Variants in PDZRN3 observed in about 807,000 individuals in gnomAD.
The protein encoded by PDZRN3 is E3 ubiquitin-protein ligase PDZRN3.
In PDZRN3, 38 loss-of-function variants were observed where a neutral mutation model predicts 85.7. That is an observed-to-expected ratio of 0.44 (90% confidence interval 0.34 to 0.58). PDZRN3 has a LOEUF of 0.58. PDZRN3 is among the 20% of genes least tolerant of loss of function. The pLI is 0.01. For synonymous variants in PDZRN3, 759 were observed against 638.0 expected, an observed-to-expected ratio of 1.19 and a Z score of -2.86; for missense variants, 1,629 against 1,506.4, an observed-to-expected ratio of 1.08 and a Z score of -1.35.
intron 3 of PDZRN3, among the ~76,000 whole-genome samples, chr3:73,421,762 C>T (rs2106777489): frequency 6.6e-6 from 1 of 152,314 alleles, no homozygotes; most frequent in South Asian, 2.1e-4. Flanking sequence ...ATTCTCCTGC[C>T]TCAGCCTCCC....
chr3:73,556,401 C>T (rs1378271118), intron 3 of PDZRN3, among the ~76,000 whole-genome samples: 1 of 151,970 alleles, frequency 6.6e-6, no homozygotes, highest in Non-Finnish European at 1.5e-5. Flanking sequence ...ACACTGCTAT[C>T]TCACCCAAAA....
intron 2 of PDZRN3, among the ~76,000 whole-genome samples, chr3:73,605,375 A>G (rs186159424): frequency 1.5e-4 from 23 of 152,264 alleles, no homozygotes; most frequent in African/African-American, 5.5e-4. Context: ...ATGAAAGGGG[A>G]TTGTTTTCAT....
chr3:73,592,760 T>A (rs1016467748), intron 3 of PDZRN3, among the ~76,000 whole-genome samples: 6 of 151,978 alleles, frequency 3.9e-5, no homozygotes, highest in African/African-American at 7.3e-5. Flanking sequence ...GTACTCAGAG[T>A]TCCCAGTGAA....
chr3:73,470,155 TA>T (rs35962378), intron 3 of PDZRN3, among the ~76,000 whole-genome samples: 114 of 147,880 alleles, frequency 7.7e-4, no homozygotes, highest in African/African-American at 2.0e-3. Flanking sequence ...GGCTGTTGGC[TA>T]AAAAAAAAAA....
chr3:73,551,955 C>A (rs1476712523), intron 3 of PDZRN3, among the ~76,000 whole-genome samples: 1 of 152,204 alleles, frequency 6.6e-6, no homozygotes, highest in Non-Finnish European at 1.5e-5. Context: ...CAATGCCACA[C>A]TGCTAGGCAG....
intron 3 of PDZRN3, among the ~76,000 whole-genome samples, chr3:73,565,665 C>T (rs958790636): frequency 7.9e-5 from 12 of 152,094 alleles, no homozygotes; most frequent in South Asian, 2.1e-4. Flanking sequence ...GGGCCGGGCG[C>T]GGTGACTCAC....
rs753050431 is a variant in PDZRN3, at chr3:73,624,783, C to G, written c.43G>C (p.Asp15His). The G allele has an allele frequency of 7.0e-7, 1 of 1,420,060 alleles. No individual in the cohort carries two copies. Among genetic ancestry groups the G allele is most frequent in the Non-Finnish European group, 9.2e-7 (1 of 1,089,948 alleles). 88.0% of individuals were successfully genotyped at this position (1,420,060 alleles called of 1,614,324 possible). Residue 15 changes from aspartate (D) to histidine (H), a missense_variant, in exon 1 of 10, where the codon GAC becomes CAC. By Grantham distance (81) the Asp-to-His change is moderately conservative. Transcript: ENST00000263666. ...TTGTGGCACAGCGCGCACTTCAGGT[C>G]CGGGTCCACGTCGCCGTCGAAGCGG... ...LDRFDGDVDP[D>H]LKCALCHKVL...
In PDZRN3 at chr3:73,440,110, A is replaced by G. The variant is rs148953497; in HGVS notation, c.919-35715T>C. Among the ~76,000 whole-genome samples, 11 of 151,980 alleles carry G rather than the reference A, an allele frequency of 7.2e-5. No homozygotes were observed. The East Asian group carries it at 1.9e-3, about 27-fold the overall frequency. ...ATTGAGGTGCCGCTGTCTTGAGGAC[A>G]TTTTCTTTGGGCTGCAGAGATCTTG... On this transcript the variant is annotated intron_variant, in intron 3 of 9. Coordinates refer to ENST00000263666, the MANE Select transcript of PDZRN3 (RefSeq NM_015009.3).
intron 3 of PDZRN3, among the ~76,000 whole-genome samples, chr3:73,550,748 T>C (rs1311910425): frequency 3.3e-5 from 5 of 152,118 alleles, no homozygotes; most frequent in East Asian, 3.9e-4. Context: ...TATAAAGAAA[T>C]AGAAGTGCCA....
intron 3 of PDZRN3, among the ~76,000 whole-genome samples, chr3:73,453,265 G>C (rs566243738): frequency 1.3e-5 from 2 of 151,940 alleles, no homozygotes; most frequent in Non-Finnish European, 2.9e-5. Flanking sequence ...AATTAGCTGG[G>C]TGTGATGGTG....
At chr3:73,421,336 G>A (rs1002340738) in intron 3 of PDZRN3, among the ~76,000 whole-genome samples, 3 of 152,186 alleles carry the variant, frequency 2.0e-5, no homozygotes, top group Admixed American at 6.5e-5. Context: ...GTCACTCAAT[G>A]GCAGAGCCAT....
At chr3:73,387,942 G>T (rs1277586987) in intron 8 of PDZRN3, 26 bp downstream of exon 8, 2 of 1,108,978 alleles carry the variant, frequency 1.8e-6, no homozygotes, top group Non-Finnish European at 2.7e-6. Flanking sequence ...TATAGACCCA[G>T]TTTCATCTGT....
chr3:73,525,161 C>A (rs1461322945), intron 3 of PDZRN3, among the ~76,000 whole-genome samples: 1 of 151,722 alleles, frequency 6.6e-6, no homozygotes, highest in African/African-American at 2.4e-5. Context: ...ATGATGTGGC[C>A]CTGTTAAAAG....
chr3:73,558,808 G>A (rs920560924), intron 3 of PDZRN3, among the ~76,000 whole-genome samples: 3 of 152,188 alleles, frequency 2.0e-5, no homozygotes, highest in Non-Finnish European at 4.4e-5. Flanking sequence ...TCTTAATCAT[G>A]GACTCTCTTA....
chr3:73,405,125 A>G lies in PDZRN3; in HGVS notation c.919-730T>C, dbSNP rs144017809. On this transcript the variant is annotated intron_variant, in intron 3 of 9. Transcript: ENST00000263666. Reference sequence around the variant, plus strand: ...CTCATCATAGTCCTGTGAAGTTGGCAGGACTGAAAGTAAGATCATCTCCCT... The same window carrying G: ...CTCATCATAGTCCTGTGAAGTTGGCGGGACTGAAAGTAAGATCATCTCCCT... Among the ~76,000 whole-genome samples, 19 of 152,334 alleles carry G rather than the reference A, an allele frequency of 1.2e-4. No homozygotes were observed. The East Asian group carries it at 2.9e-3, about 23-fold the overall frequency.
chr3:73,391,069 A>C lies in PDZRN3; in HGVS notation c.1302T>G (p.Thr434=). The change falls in exon 6 of 10, where the codon ACT becomes ACG. Residue 434 remains threonine, a synonymous_variant. Coordinates refer to ENST00000263666, the MANE Select transcript of PDZRN3 (RefSeq NM_015009.3). The part of the protein sequence containing the change: ...RMNSQDKLGL[T]VCYRTDDEDD... ...CTTCATCGTCCGTCCGGTAGCACAC[A>C]GTGAGGCCCAGCTTGTCCTGGCTGT... is the stretch of plus-strand genomic sequence containing the variant. 1.2e-6 allele frequency: 2 copies of C among 1,614,026 alleles called. No homozygotes were observed. The highest frequency in any genetic ancestry group is 2.2e-5 in the South Asian group (2 of 91,056).
intron 3 of PDZRN3, among the ~76,000 whole-genome samples, chr3:73,432,594 C>G (rs927361995): frequency 1.3e-5 from 2 of 152,130 alleles, no homozygotes; most frequent in African/African-American, 2.4e-5. Context: ...CCACCTTTTG[C>G]CGCGTCTCCC....
chr3:73,586,477 T>C lies in PDZRN3; in HGVS notation c.918+15877A>G, dbSNP rs117863205. 6.6e-5 allele frequency among the ~76,000 whole-genome samples: 10 copies of C among 152,348 alleles called. No individual in the cohort carries two copies. In the East Asian group the frequency reaches 1.9e-3, roughly 29 times the overall value. On this transcript the variant is annotated intron_variant, in intron 3 of 9. Coordinates refer to ENST00000263666, the MANE Select transcript of PDZRN3 (RefSeq NM_015009.3). ...ACACATTTACTGATTGAATACTCTG[T>C]ACCAGGCATGGTGCTAGTACTGAGA... is the stretch of plus-strand genomic sequence containing the variant.
chr3:73,420,957 C>A (rs1702188837), intron 3 of PDZRN3, among the ~76,000 whole-genome samples: 1 of 152,214 alleles, frequency 6.6e-6, no homozygotes, highest in Non-Finnish European at 1.5e-5. Context: ...CCAACTACAT[C>A]CTCCCATATA....
Sources: gnomAD v4.1 joint callset for allele counts (sites outside exome capture counted in the v4.1 genomes callset) on GRCh38, gnomAD v4.1.1 for gene constraint, MANE v1.5 for transcripts, NCBI Gene and HGNC (gene_info 2026-07-23, HGNC 2026-07-21) for gene names.